The following MACF1 variants were observed in gnomAD, a reference collection of about 807,000 sequenced individuals.
The protein encoded by MACF1 is microtubule-actin cross-linking factor 1.
In MACF1, 193 loss-of-function variants were observed where a neutral mutation model predicts 854.8. That is an observed-to-expected ratio of 0.23 (90% confidence interval 0.20 to 0.25). The LOEUF is 0.25. MACF1 is among the 10% of genes least tolerant of loss of function. The pLI, the probability that MACF1 is intolerant of heterozygous loss-of-function variation, is 1.00. For missense variants in MACF1, 7,722 were observed against 8,929.1 expected (o/e 0.86, Z 5.45); for synonymous variants, 3,185 against 3,226.7 (o/e 0.99, Z 0.44).
At chr1:39,447,209 A>C (rs1171823247) in intron 80 of MACF1, among the ~76,000 whole-genome samples, 1 of 152,160 alleles carries the variant, frequency 6.6e-6, no homozygotes, top group East Asian at 1.9e-4. Flanking sequence ...ATTGTGCTCT[A>C]TTTCCTTTTC....
At position 39,477,112 on chromosome 1, in the gene MACF1, CTTAGTGTATATATATATATATAT is replaced by C. The variant is rs1430153429; in HGVS notation, c.21959-2685_21959-2663del. On this transcript the variant is annotated intron_variant, in intron 97 of 100. Transcript: ENST00000564288. ...ATATACACACACACACATATATACA[CTTAGTGTATATATATATATATAT>C]ACACACACACACACACACAGATGTG... is the stretch of plus-strand genomic sequence containing the variant. Among the ~76,000 whole-genome samples, 23 of 83,342 alleles carry C rather than the reference CTTAGTGTATATATATATATATAT, an allele frequency of 2.8e-4. 1 individual carries two copies. Among genetic ancestry groups the C allele is most frequent in the South Asian group, 4.3e-4 (1 of 2,304 alleles). 54.7% of individuals were successfully genotyped at this position (83,342 alleles called of 152,430 possible).
intron 1 of MACF1, among the ~76,000 whole-genome samples, chr1:39,211,281 T>G (rs1227732822): frequency 6.6e-6 from 1 of 152,084 alleles, no homozygotes; most frequent in African/African-American, 2.4e-5. Flanking sequence ...ACTTAGTTCT[T>G]AGAACACATT....
At chr1:39,242,690 G>A (rs1036411772) in intron 2 of MACF1, among the ~76,000 whole-genome samples, 2 of 149,852 alleles carry the variant, frequency 1.3e-5, no homozygotes, top group African/African-American at 2.5e-5. Flanking sequence ...AGCTGTGATC[G>A]CGCCACTGCA....
rs12074353 is a variant in MACF1, at chr1:39,389,613, G to A, written c.15816+955G>A. 2.6e-5 allele frequency among the ~76,000 whole-genome samples: 4 copies of A among 152,098 alleles called. No individual in the cohort carries two copies. The South Asian group carries it at 6.2e-4, about 24-fold the overall frequency. On this transcript the variant is annotated intron_variant, in intron 58 of 100. Transcript: ENST00000564288. ...GACCTCAAGTGATCCACCCGCCCTA[G>A]CCTCCCAAAGTGCTGGGATTACAGG... is the stretch of plus-strand genomic sequence containing the variant.
At chr1:39,161,731 G>A (rs1272756532) in intron 2 of MACF1, among the ~76,000 whole-genome samples, 1 of 152,010 alleles carries the variant, frequency 6.6e-6, no homozygotes, top group South Asian at 2.1e-4. Flanking sequence ...GCCAGGCGTG[G>A]TGGCGGGCGC....
intron 2 of MACF1, among the ~76,000 whole-genome samples, chr1:39,232,987 C>T (rs1365113002): frequency 1.3e-5 from 2 of 150,840 alleles, no homozygotes. Context: ...TCTCACTGTG[C>T]TGCCCAGGTC....
rs202106473 is a variant in MACF1 at position 39,484,704 on chromosome 1, C to T, written c.22385C>T (p.Ser7462Phe). 7.6e-5 allele frequency: 123 copies of T among 1,614,180 alleles called. 2 individuals are homozygous for T. In the South Asian group the frequency reaches 1.2e-3, roughly 16 times the overall value. Residue 7462 changes from serine to phenylalanine, a missense_variant, in exon 100 of 101, where the codon TCC becomes TTC. Coordinates refer to ENST00000564288, the MANE Select transcript of MACF1 (RefSeq NM_001394062.1). ...GDTSNSSSPA[S>F]TGAKTNRADP... ...ACCAGCAATAGTTCTTCCCCGGCCT[C>T]CACAGGTGCCAAAACTAATCGGGCA...
At chr1:39,232,762 TTTTTTTG>T (rs1466754109) in intron 2 of MACF1, among the ~76,000 whole-genome samples, 19 of 149,420 alleles carry the variant, frequency 1.3e-4, no homozygotes, top group African/African-American at 4.8e-4. Context: ...TTTTTTTTTT[TTTTTTTG>T]TTTGTTTGTT....
chr1:39,085,026 G>T (rs1571020063), intron 2 of MACF1, among the ~76,000 whole-genome samples: 1 of 152,186 alleles, frequency 6.6e-6, no homozygotes, highest in Non-Finnish European at 1.5e-5. Context: ...GAAGGCTGGG[G>T]CTACCTCCTG....
intron 6 of MACF1, among the ~76,000 whole-genome samples, chr1:39,280,660 C>T (rs1645525989): frequency 6.6e-6 from 1 of 152,196 alleles, no homozygotes. Flanking sequence ...TCACCACAAC[C>T]TCCACCTCCT....
At chr1:39,234,714 C>A (rs1644835670) in intron 2 of MACF1, among the ~76,000 whole-genome samples, 1 of 130,488 alleles carries the variant, frequency 7.7e-6, no homozygotes. Flanking sequence ...CCAGATGGGG[C>A]GGCTGCCGGG....
At chr1:39,474,191 A>G (rs1195782106) in intron 97 of MACF1, among the ~76,000 whole-genome samples, 1 of 152,178 alleles carries the variant, frequency 6.6e-6, no homozygotes, top group Non-Finnish European at 1.5e-5. Context: ...GTTCAAGACC[A>G]GCCGGGCCAA....
chr1:39,430,524 GA>G (rs1414688027), intron 65 of MACF1, among the ~76,000 whole-genome samples, 177 bp from the exon 66 acceptor site: 4 of 152,090 alleles, frequency 2.6e-5, no homozygotes, highest in African/African-American at 9.7e-5. Flanking sequence ...AAGCAACAAT[GA>G]AGTCTAAAGT....
intron 32 of MACF1, 86 bp from the exon 33 acceptor site, chr1:39,322,824 C>T: frequency 6.7e-7 from 1 of 1,487,532 alleles, no homozygotes; most frequent in South Asian, 1.1e-5. Context: ...GAACATGTGA[C>T]TGCATGAACA....
At chr1:39,119,740 T>C (rs1168292182) in intron 2 of MACF1, among the ~76,000 whole-genome samples, 1 of 152,194 alleles carries the variant, frequency 6.6e-6, no homozygotes, top group African/African-American at 2.4e-5. Context: ...TGAATGCTTT[T>C]CCCGTCCATC....
chr1:39,336,762 AT>A, intron 37 of MACF1, 109 bp downstream of exon 37: 1 of 970,476 alleles, frequency 1.0e-6, no homozygotes, highest in Non-Finnish European at 1.5e-6. Context: ...GCCTCTATAC[AT>A]TTTAAGGCAC....
chr1:39,151,511 C>T (rs960701527), intron 2 of MACF1, among the ~76,000 whole-genome samples: 2 of 152,240 alleles, frequency 1.3e-5, no homozygotes, highest in Non-Finnish European at 2.9e-5. Context: ...ATTATTCTTC[C>T]GAAGTAGAAA....
intron 58 of MACF1, chr1:39,414,020 A>G: frequency 6.2e-7 from 1 of 1,607,366 alleles, no homozygotes; most frequent in Non-Finnish European, 8.5e-7. Flanking sequence ...CCCACCCTAG[A>G]GGAACCCACC....
intron 95 of MACF1, among the ~76,000 whole-genome samples, chr1:39,466,650 C>T (rs926928628): frequency 5.9e-5 from 9 of 152,156 alleles, no homozygotes; most frequent in African/African-American, 2.2e-4. Flanking sequence ...CTCAGAACCT[C>T]CCACAGGGCT....
Sources: allele counts gnomAD v4.1 joint callset (sites outside exome capture counted in the v4.1 genomes callset), GRCh38; gene constraint gnomAD v4.1.1; transcripts MANE v1.5; gene names NCBI Gene and HGNC (gene_info 2026-07-23, HGNC 2026-07-21).